CACNB2: variants seen among roughly 807,000 people sequenced by gnomAD.
CACNB2 encodes the protein calcium voltage-gated channel auxiliary subunit beta 2.
CACNB2 carries 42 observed loss-of-function variants against 73.3 expected under a neutral mutation model. That is an observed-to-expected ratio of 0.57 (90% confidence interval 0.45 to 0.74). The LOEUF (loss-of-function observed/expected upper bound fraction) is 0.74, where lower values mean the gene tolerates loss of function less well. Among genes scored for constraint, CACNB2 ranks in the 30% least tolerant of loss-of-function variants. CACNB2 has a pLI of 0.00. For missense variants in CACNB2, 940 were observed against 853.0 expected (o/e 1.10, Z -1.27); for synonymous variants, 348 against 310.3 (o/e 1.12, Z -1.28).
intron 2 of CACNB2, among the ~76,000 whole-genome samples, chr10:18,311,006 G>A (rs377189232): frequency 4.1e-4 from 62 of 152,110 alleles, no homozygotes; most frequent in African/African-American, 1.4e-3. Flanking sequence ...AATTTCCAAG[G>A]ACATTTCATT....
At chr10:18,209,007 A>G (rs1265754263) in intron 2 of CACNB2, among the ~76,000 whole-genome samples, 5 of 152,208 alleles carry the variant, frequency 3.3e-5, no homozygotes, top group African/African-American at 1.2e-4. Context: ...ACATTTAAAT[A>G]GAAACTAAAT....
At chr10:18,263,277 G>T (rs1049999933) in intron 2 of CACNB2, among the ~76,000 whole-genome samples, 2 of 152,102 alleles carry the variant, frequency 1.3e-5, no homozygotes, top group Non-Finnish European at 2.9e-5. Flanking sequence ...CTTTAGATTT[G>T]ACCGCAAAGC....
chr10:18,540,037 A>G lies in CACNB2; in HGVS notation c.*313A>G, dbSNP rs1218154364. 3.3e-6 allele frequency: 1 copy of G among 301,824 alleles called. No homozygotes were observed. The highest frequency in any genetic ancestry group is 4.9e-5 in the Admixed American group (1 of 20,494). 18.7% of individuals were successfully genotyped at this position (301,824 alleles called of 1,614,324 possible). A position where few individuals can be genotyped will look rare whatever the true frequency, so the allele number is the denominator to read the frequency against. On this transcript the variant is annotated 3_prime_UTR_variant, in exon 14 of 14. Transcript: ENST00000324631. ...CCACCCAGGTGATGTTAGTGTTTTA[A>G]GAAATGTAGTTGATGTATCCAACAA...
intron 2 of CACNB2, among the ~76,000 whole-genome samples, chr10:18,279,025 A>G (rs1249256479): frequency 6.6e-6 from 1 of 152,200 alleles, no homozygotes; most frequent in Non-Finnish European, 1.5e-5. Flanking sequence ...TTACAAAAAA[A>G]AATCTTTAGT....
intron 3 of CACNB2, among the ~76,000 whole-genome samples, chr10:18,444,548 G>A (rs968544777): frequency 1.1e-4 from 17 of 152,084 alleles, no homozygotes; most frequent in Non-Finnish European, 1.5e-4. Flanking sequence ...TTTATGGCGG[G>A]AGCAGTGGGG....
chr10:18,228,433 C>CAAA (rs1164745930), intron 2 of CACNB2, among the ~76,000 whole-genome samples: 24 of 34,808 alleles, frequency 6.9e-4, no homozygotes, highest in African/African-American at 2.3e-3. Flanking sequence ...AACTCTACCT[C>CAAA]AAAAAAAAAA....
At chr10:18,492,635 A>G (rs796596835) in intron 3 of CACNB2, among the ~76,000 whole-genome samples, 2 of 129,686 alleles carry the variant, frequency 1.5e-5, no homozygotes, top group Non-Finnish European at 3.0e-5. Flanking sequence ...AAAAAAAAAA[A>G]AAAGAAAAAA....
intron 2 of CACNB2, among the ~76,000 whole-genome samples, chr10:18,243,344 T>A (rs571635425): frequency 6.6e-6 from 1 of 152,070 alleles, no homozygotes; most frequent in South Asian, 2.1e-4. Context: ...TAGGCCCAGG[T>A]AAGTTGGAGA....
intron 3 of CACNB2, among the ~76,000 whole-genome samples, chr10:18,436,212 A>T (rs2046129940): frequency 6.6e-6 from 1 of 152,214 alleles, no homozygotes; most frequent in African/African-American, 2.4e-5. Context: ...ATTAATGATG[A>T]GTTTGCCAGT....
At chr10:18,409,639 T>C (rs2044504415) in intron 3 of CACNB2, among the ~76,000 whole-genome samples, 1 of 152,224 alleles carries the variant, frequency 6.6e-6, no homozygotes, top group Admixed American at 6.5e-5. Flanking sequence ...TAAAGCTGAT[T>C]GGAAGCTCCA....
At chr10:18,248,990 A>C (rs926247201) in intron 2 of CACNB2, among the ~76,000 whole-genome samples, 2 of 152,178 alleles carry the variant, frequency 1.3e-5, no homozygotes, top group Non-Finnish European at 1.5e-5. Flanking sequence ...CCTGCACTCA[A>C]TTCTACCTGT....
intron 2 of CACNB2, among the ~76,000 whole-genome samples, chr10:18,260,240 G>A (rs2037475340): frequency 2.0e-5 from 3 of 152,134 alleles, no homozygotes; most frequent in Non-Finnish European, 4.4e-5. Flanking sequence ...TGAAAACTGG[G>A]TCTTTAGGGA....
chr10:18,215,333 C>A (rs2035470721), intron 2 of CACNB2, among the ~76,000 whole-genome samples: 1 of 152,222 alleles, frequency 6.6e-6, no homozygotes, highest in South Asian at 2.1e-4. Flanking sequence ...ACCATCGGAG[C>A]GGGTCTGACG....
chr10:18,347,392 A>G (rs76981819), intron 2 of CACNB2, among the ~76,000 whole-genome samples: 2,275 of 136,860 alleles, frequency 0.017, 25 homozygotes, highest in Middle Eastern at 0.026. Flanking sequence ...GTAGAGACCA[A>G]GTTGCCCAGG....
chr10:18,492,387 G>A (rs1409830371), intron 3 of CACNB2, among the ~76,000 whole-genome samples: 1 of 152,156 alleles, frequency 6.6e-6, no homozygotes, highest in Non-Finnish European at 1.5e-5. Context: ...TCGGGAAGCC[G>A]AGGCAAGCGG....
intron 2 of CACNB2, among the ~76,000 whole-genome samples, chr10:18,298,265 A>T (rs1209399476): frequency 6.6e-6 from 1 of 151,964 alleles, no homozygotes; most frequent in East Asian, 1.9e-4. Flanking sequence ...GCCACTCGGG[A>T]GGCTGAGGCA....
intron 2 of CACNB2, chr10:18,401,155 G>A (rs2043975840): frequency 1.2e-6 from 2 of 1,604,286 alleles, no homozygotes; most frequent in Non-Finnish European, 1.7e-6. Context: ...CTGCTTTTCT[G>A]TTGTTGCAGT....
chr10:18,231,104 A>AAAAGTATTGCCCTAC (rs2036208448), intron 2 of CACNB2, among the ~76,000 whole-genome samples: 1 of 152,192 alleles, frequency 6.6e-6, no homozygotes, highest in Admixed American at 6.5e-5. Context: ...ATGCAAACTA[A>AAAAGTATTGCCCTAC]AAAGTATTGC....
chr10:18,505,307 A>T (rs1425039412), intron 5 of CACNB2, among the ~76,000 whole-genome samples: 1 of 152,128 alleles, frequency 6.6e-6, no homozygotes, highest in Non-Finnish European at 1.5e-5. Context: ...TCCTTGTATA[A>T]CTGCCAGAAA....
Sources: gnomAD v4.1 joint callset for allele counts (sites outside exome capture counted in the v4.1 genomes callset) on GRCh38, gnomAD v4.1.1 for gene constraint, MANE v1.5 for transcripts, NCBI Gene and HGNC (gene_info 2026-07-23, HGNC 2026-07-21) for gene names.